GABRG3: variants seen among roughly 807,000 people sequenced by gnomAD.
GABRG3 encodes gamma-aminobutyric acid receptor subunit gamma-3.
GABRG3 carries 25 observed loss-of-function variants against 48.8 expected under a neutral mutation model. That is an observed-to-expected ratio of 0.51 (90% CI 0.37 to 0.72). The LOEUF (loss-of-function observed/expected upper bound fraction) is 0.72, where lower values mean the gene tolerates loss of function less well. Among genes scored for constraint, GABRG3 ranks in the 30% least tolerant of loss-of-function variants. The pLI, the probability that GABRG3 is intolerant of heterozygous loss-of-function variation, is 0.00. For missense variants in GABRG3, 394 were observed against 577.9 expected, an observed-to-expected ratio of 0.68 and a Z score of 3.26; for synonymous variants, 227 against 217.6, an observed-to-expected ratio of 1.04 and a Z score of -0.38.
At position 27,408,169 on chromosome 15, in the gene GABRG3, T is replaced by G. The variant is rs567197669; in HGVS notation, c.575-72481T>G. Among the ~76,000 whole-genome samples the G allele has an allele frequency of 9.9e-5, 15 of 152,278 alleles. No homozygotes were observed. In the South Asian group the frequency reaches 3.1e-3, roughly 32 times the overall value. ...AGATCTGGGTTGAATCTCACACCAG[T>G]GGTTCTATAACAAGAGTAAGTATCA... On this transcript the variant is annotated intron_variant, in intron 5 of 9. Coordinates refer to ENST00000615808, the MANE Select transcript of GABRG3 (RefSeq NM_033223.5).
At chr15:27,076,911 G>A (rs1320874553) in intron 3 of GABRG3, among the ~76,000 whole-genome samples, 2 of 152,178 alleles carry the variant, frequency 1.3e-5, no homozygotes, top group Non-Finnish European at 2.9e-5. Context: ...TACCAACCAC[G>A]TTTGTGGTAT....
At chr15:27,348,104 C>T (rs150191806) in intron 5 of GABRG3, among the ~76,000 whole-genome samples, 38,757 of 140,818 alleles carry the variant, frequency 0.28, 5,526 homozygotes, top group Middle Eastern at 0.4. Flanking sequence ...CACAGTGAGC[C>T]GAGATCATGC....
At chr15:27,511,769 G>C (rs1244604171) in intron 6 of GABRG3, among the ~76,000 whole-genome samples, 2 of 152,190 alleles carry the variant, frequency 1.3e-5, no homozygotes, top group African/African-American at 4.8e-5. Context: ...AACAGAGCAG[G>C]GAAAGGGGTA....
rs1390125154 is a variant in GABRG3 at position 27,330,835 on chromosome 15, C to T, written c.574+1947C>T. Among the ~76,000 whole-genome samples, 4 of 152,168 alleles carry T rather than the reference C, an allele frequency of 2.6e-5. No homozygotes were observed. In the East Asian group the frequency reaches 5.8e-4, roughly 22 times the overall value. ...TTTGTGTGACCAACCACATCTATTTCCCTATTTCTGGTGTGTCGTGGTAGT... is the reference window on the plus strand; with the variant it reads ...TTTGTGTGACCAACCACATCTATTTTCCTATTTCTGGTGTGTCGTGGTAGT... On this transcript the variant is annotated intron_variant, in intron 5 of 9. Coordinates refer to ENST00000615808, the MANE Select transcript of GABRG3 (RefSeq NM_033223.5).
intron 3 of GABRG3, among the ~76,000 whole-genome samples, chr15:27,155,778 G>A: frequency 6.6e-6 from 1 of 152,086 alleles, no homozygotes; most frequent in East Asian, 1.9e-4. Flanking sequence ...CTTCCACGTG[G>A]TCTCCAACTA....
At chr15:27,214,202 G>A (rs1889165295) in intron 3 of GABRG3, among the ~76,000 whole-genome samples, 2 of 152,136 alleles carry the variant, frequency 1.3e-5, no homozygotes, top group Admixed American at 6.6e-5. Flanking sequence ...AACAGGTGGG[G>A]GTTGCCAGTT....
intron 6 of GABRG3, among the ~76,000 whole-genome samples, chr15:27,493,706 ATTAG>A (rs1890413348): frequency 6.6e-6 from 1 of 152,240 alleles, no homozygotes. Flanking sequence ...AGAGATAACT[ATTAG>A]TTATATTCTT....
intron 3 of GABRG3, among the ~76,000 whole-genome samples, chr15:27,201,728 G>C (rs1395320276): frequency 6.6e-6 from 1 of 152,116 alleles, no homozygotes; most frequent in Non-Finnish European, 1.5e-5. Context: ...TCCCCTTTTA[G>C]TGCTGTTTAT....
intron 3 of GABRG3, among the ~76,000 whole-genome samples, chr15:27,229,928 C>T (rs1889747314): frequency 6.6e-6 from 1 of 151,844 alleles, no homozygotes; most frequent in South Asian, 2.1e-4. Flanking sequence ...TTTTCTAGTT[C>T]TGTGAAGAAT....
intron 2 of GABRG3, among the ~76,000 whole-genome samples, chr15:27,005,490 C>T (rs958406336): frequency 6.6e-6 from 1 of 152,118 alleles, no homozygotes; most frequent in African/African-American, 2.4e-5. Context: ...ACTTTTGAGT[C>T]AATTACTATA....
chr15:27,178,739 A>T (rs910852498), intron 3 of GABRG3, among the ~76,000 whole-genome samples: 1 of 152,224 alleles, frequency 6.6e-6, no homozygotes, highest in African/African-American at 2.4e-5. Context: ...GGGAAAATAC[A>T]GCAAGGCATA....
At chr15:27,498,363 T>G (rs1890536963) in intron 6 of GABRG3, among the ~76,000 whole-genome samples, 1 of 152,216 alleles carries the variant, frequency 6.6e-6, no homozygotes. Context: ...CTTTCTGATT[T>G]TAAAGCTTTG....
intron 3 of GABRG3, among the ~76,000 whole-genome samples, chr15:27,299,336 A>G (rs571747770): frequency 7.9e-5 from 12 of 152,336 alleles, no homozygotes; most frequent in Admixed American, 7.8e-4. Context: ...CCATGGCCAT[A>G]ATGCCTGGAA....
intron 5 of GABRG3, among the ~76,000 whole-genome samples, chr15:27,370,442 G>C (rs114523598): frequency 3.2e-4 from 48 of 152,306 alleles, no homozygotes; most frequent in African/African-American, 1.1e-3. Context: ...ACCTAACGCT[G>C]CCAGTCTCCT....
chr15:27,017,147 C>A (rs1895793467), intron 2 of GABRG3, among the ~76,000 whole-genome samples: 1 of 152,110 alleles, frequency 6.6e-6, no homozygotes, highest in Non-Finnish European at 1.5e-5. Flanking sequence ...TGGGCCCAGT[C>A]TTTGTGGTCT....
At chr15:27,426,309 T>C (rs1319959116) in intron 5 of GABRG3, among the ~76,000 whole-genome samples, 1 of 152,168 alleles carries the variant, frequency 6.6e-6, no homozygotes, top group Non-Finnish European at 1.5e-5. Flanking sequence ...AATGTGCTTG[T>C]CTGGGTTTGC....
At chr15:27,052,314 C>T (rs574097375) in intron 3 of GABRG3, among the ~76,000 whole-genome samples, 7 of 152,256 alleles carry the variant, frequency 4.6e-5, no homozygotes, top group East Asian at 3.9e-4. Context: ...ACTCCCGTGC[C>T]GCAAATGGTG....
intron 3 of GABRG3, among the ~76,000 whole-genome samples, chr15:27,124,644 G>A (rs934871851): frequency 1.3e-5 from 2 of 152,136 alleles, no homozygotes; most frequent in Admixed American, 6.5e-5. Context: ...CTGACTCAGC[G>A]CCTCTTGGCT....
intron 3 of GABRG3, among the ~76,000 whole-genome samples, chr15:27,040,917 A>G (rs1162989933): frequency 6.6e-6 from 1 of 152,104 alleles, no homozygotes; most frequent in East Asian, 1.9e-4. Context: ...TCATGATAAA[A>G]CTGATGAGCA....
Sources: allele counts gnomAD v4.1 joint callset (sites outside exome capture counted in the v4.1 genomes callset), GRCh38; gene constraint gnomAD v4.1.1; transcripts MANE v1.5; gene names NCBI Gene and HGNC (gene_info 2026-07-23, HGNC 2026-07-21).